Variants in KDM4C observed in about 807,000 individuals in gnomAD.
KDM4C encodes lysine demethylase 4C.
In KDM4C, 81 loss-of-function variants were observed where a neutral mutation model predicts 129.3. The observed-to-expected ratio is 0.63, with a 90% CI of 0.52 to 0.75. KDM4C has a LOEUF of 0.75. KDM4C is among the 30% of genes least tolerant of loss of function. The pLI is 0.00. For missense variants in KDM4C, 1,457 were observed against 1,304.0 expected, an observed-to-expected ratio of 1.12 and a Z score of -1.81; for synonymous variants, 573 against 456.1, an observed-to-expected ratio of 1.26 and a Z score of -3.26.
chr9:7,082,318 C>T (rs1020067813), intron 17 of KDM4C, among the ~76,000 whole-genome samples: 1 of 152,172 alleles, frequency 6.6e-6, no homozygotes, highest in East Asian at 1.9e-4. Flanking sequence ...ACCTGAGTTT[C>T]GTTTCAGAAT....
intron 1 of KDM4C, among the ~76,000 whole-genome samples, chr9:6,736,667 A>G (rs1817536639): frequency 6.6e-6 from 1 of 152,192 alleles, no homozygotes; most frequent in African/African-American, 2.4e-5. Flanking sequence ...ATGTGATTCT[A>G]TACCTAAAAA....
At chr9:6,852,563 C>G (rs552882523) in intron 5 of KDM4C, among the ~76,000 whole-genome samples, 1 of 152,206 alleles carries the variant, frequency 6.6e-6, no homozygotes, top group South Asian at 2.1e-4. Context: ...GCACCAGCGT[C>G]CTCTTCTGCC....
chr9:6,914,493 T>A (rs1014372737), intron 8 of KDM4C, among the ~76,000 whole-genome samples: 14 of 152,192 alleles, frequency 9.2e-5, no homozygotes, highest in African/African-American at 3.4e-4. Flanking sequence ...GTGCTTATAA[T>A]GAGGGGTGCA....
intron 5 of KDM4C, among the ~76,000 whole-genome samples, chr9:6,867,569 G>T (rs115761363): frequency 1.4e-3 from 218 of 152,264 alleles, no homozygotes; most frequent in African/African-American, 5.1e-3. Context: ...TCAACTTCTT[G>T]TGTTCTTACA....
intron 4 of KDM4C, among the ~76,000 whole-genome samples, chr9:6,820,463 G>A (rs1324651319): frequency 6.6e-6 from 1 of 152,174 alleles, no homozygotes; most frequent in Non-Finnish European, 1.5e-5. Context: ...GTCCTGGGTC[G>A]TGGATCTGAC....
chr9:6,860,264 G>T (rs907201786), intron 5 of KDM4C, among the ~76,000 whole-genome samples: 5 of 152,094 alleles, frequency 3.3e-5, no homozygotes, highest in African/African-American at 7.2e-5. Context: ...GCCACCTAAG[G>T]TTCTTTCTTT....
intron 8 of KDM4C, among the ~76,000 whole-genome samples, chr9:6,906,957 A>G (rs1818428772): frequency 6.6e-6 from 1 of 152,210 alleles, no homozygotes; most frequent in Non-Finnish European, 1.5e-5. Context: ...ACAATCTAAG[A>G]TTTATGATAT....
intron 2 of KDM4C, among the ~76,000 whole-genome samples, chr9:6,794,490 G>C (rs898393869): frequency 1.3e-5 from 2 of 152,182 alleles, no homozygotes; most frequent in African/African-American, 4.8e-5. Flanking sequence ...GGAAGATATG[G>C]TGGCTGTTTG....
chr9:6,744,864 G>A (rs1345088230), intron 1 of KDM4C, among the ~76,000 whole-genome samples: 1 of 151,934 alleles, frequency 6.6e-6, no homozygotes, highest in African/African-American at 2.4e-5. Flanking sequence ...GGGGGGTGGG[G>A]AGAGCAGGGG....
At chr9:7,002,968 C>G (rs1821001735) in intron 12 of KDM4C, among the ~76,000 whole-genome samples, 1 of 152,226 alleles carries the variant, frequency 6.6e-6, no homozygotes. Flanking sequence ...TCAAGTGATT[C>G]TCCTGTCTCA....
rs140547394 is a variant in KDM4C at position 6,954,237 on chromosome 9, A to G, written c.922-26688A>G. The stretch of plus-strand genomic sequence containing the variant: ...AGCAGGGCTGCCTTTCCCATGCAAT[A>G]TGACTTTCTCCTCTTTTCTCCTGAG... On this transcript the variant is annotated intron_variant, in intron 8 of 21. Coordinates refer to ENST00000381309, the MANE Select transcript of KDM4C (RefSeq NM_015061.6). Among the ~76,000 whole-genome samples the G allele has an allele frequency of 5.5e-3, 839 of 152,284 alleles. 16 individuals carry two copies. The highest frequency in any genetic ancestry group is 0.02 in the African/African-American group (818 of 41,552).
At chr9:6,958,981 C>T (rs181286288) in intron 8 of KDM4C, among the ~76,000 whole-genome samples, 58 of 152,306 alleles carry the variant, frequency 3.8e-4, no homozygotes, top group African/African-American at 1.2e-3. Flanking sequence ...TATTAGAGCA[C>T]AGATGATAGG....
chr9:6,977,539 G>A (rs1042809204), intron 8 of KDM4C, among the ~76,000 whole-genome samples: 6 of 152,114 alleles, frequency 3.9e-5, no homozygotes, highest in Non-Finnish European at 8.8e-5. Context: ...TAAATACAGT[G>A]GAGAATGAAG....
chr9:7,068,686 C>CTTTTTTTTTTTTTTTT (rs542039227), intron 17 of KDM4C, among the ~76,000 whole-genome samples: 12 of 101,760 alleles, frequency 1.2e-4, no homozygotes, highest in African/African-American at 4.2e-4. Context: ...GATGCCCTTT[C>CTTTTTTTTTTTTTTTT]TTTTTTTTTT....
At chr9:6,938,231 A>C (rs1018095779) in intron 8 of KDM4C, among the ~76,000 whole-genome samples, 3 of 152,074 alleles carry the variant, frequency 2.0e-5, no homozygotes, top group African/African-American at 7.2e-5. Context: ...TATAGGATGA[A>C]CATAAAACAT....
At chr9:7,025,240 C>A (rs150713529) in intron 15 of KDM4C, among the ~76,000 whole-genome samples, 2 of 152,200 alleles carry the variant, frequency 1.3e-5, no homozygotes, top group African/African-American at 4.8e-5. Context: ...TATTTTCAGC[C>A]TATGTGTGTC....
At chr9:6,859,042 C>G (rs1244281571) in intron 5 of KDM4C, among the ~76,000 whole-genome samples, 5 of 152,250 alleles carry the variant, frequency 3.3e-5, no homozygotes, top group African/African-American at 9.6e-5. Flanking sequence ...GTTGTTACTG[C>G]ACATGTGTTC....
At chr9:7,043,391 C>A (rs751714564) in intron 15 of KDM4C, among the ~76,000 whole-genome samples, 1 of 151,966 alleles carries the variant, frequency 6.6e-6, no homozygotes, top group Non-Finnish European at 1.5e-5. Context: ...ATTGTAGATT[C>A]TTAAGAAAAC....
Position 6,814,693 on chromosome 9 carries a change from C to G in KDM4C, c.383C>G (p.Thr128Ser). 4.3e-6 allele frequency: 7 copies of G among 1,611,612 alleles called. No individual in the cohort carries two copies. Among genetic ancestry groups the G allele is most frequent in the Non-Finnish European group, 5.9e-6 (7 of 1,178,796 alleles). ...DLERKYWKNL[T>S]FVAPIYGADI... ...GAGCGCAAGTACTGGAAGAACTTAA[C>G]TTTTGTGGCACCTATCTATGGTGCA... Residue 128 changes from threonine to serine, a missense_variant, in exon 4 of 22, where the codon ACT becomes AGT. Physicochemically the swap from Thr to Ser is moderately conservative, Grantham distance 58. Transcript: ENST00000381309.
Sources: allele counts gnomAD v4.1 joint callset (sites outside exome capture counted in the v4.1 genomes callset), GRCh38; gene constraint gnomAD v4.1.1; transcripts MANE v1.5; gene names NCBI Gene and HGNC (gene_info 2026-07-23, HGNC 2026-07-21).